PPP2R2B: variants seen among roughly 807,000 people sequenced by gnomAD.
The protein encoded by PPP2R2B is protein phosphatase 2 regulatory subunit Bbeta.
PPP2R2B carries 5 observed loss-of-function variants against 46.0 expected under a neutral mutation model. The observed-to-expected ratio is 0.11, with a 90% confidence interval of 0.06 to 0.23. PPP2R2B has a LOEUF of 0.23. Ranked by LOEUF, PPP2R2B falls within the 10% of genes least tolerant of loss-of-function variation. The pLI, the probability that PPP2R2B is intolerant of heterozygous loss-of-function variation, is 1.00. For synonymous variants in PPP2R2B, 215 were observed against 206.7 expected (o/e 1.04, Z -0.34); for missense variants, 367 against 575.0 (o/e 0.64, Z 3.70).
chr5:146,777,705 A>G (rs964913137), intron 2 of PPP2R2B, among the ~76,000 whole-genome samples: 1 of 152,210 alleles, frequency 6.6e-6, no homozygotes, highest in Admixed American at 6.5e-5. Flanking sequence ...GCACCATACT[A>G]TGACATATAC....
rs371027373 is a variant in PPP2R2B, at chr5:146,638,326, C to T, written c.715G>A (p.Val239Met). ...ATTGTCCCTTTGCTGCTGCTGTACA[C>T]GAAGGTGTTGCAATGATGGGGGTGG... Reference protein sequence around the residue: ...EFHPHHCNTFVYSSSKGTIRL... With the variant: ...EFHPHHCNTFMYSSSKGTIRL... Residue 239 changes from valine (V) to methionine (M), a missense_variant, in exon 7 of 10, where the codon GTG becomes ATG. By Grantham distance (21) the Val-to-Met change is conservative (BLOSUM62 1). Transcript: ENST00000394411. The T allele has an allele frequency of 6.3e-5, 101 of 1,613,774 alleles. No homozygotes were observed. The highest frequency in any genetic ancestry group is 8.2e-5 in the Non-Finnish European group (97 of 1,179,828).
intron 2 of PPP2R2B, among the ~76,000 whole-genome samples, chr5:146,803,800 T>G (rs1160667973): frequency 6.6e-6 from 1 of 152,226 alleles, no homozygotes; most frequent in Non-Finnish European, 1.5e-5. Context: ...ACCTTGGTTT[T>G]TCTATCTGCA....
At chr5:146,810,496 G>A (rs1757463236) in intron 2 of PPP2R2B, among the ~76,000 whole-genome samples, 2 of 152,148 alleles carry the variant, frequency 1.3e-5, no homozygotes, top group South Asian at 2.1e-4. Flanking sequence ...TTCAAGATGA[G>A]ATTTGGGTAG....
intron 1 of PPP2R2B, among the ~76,000 whole-genome samples, chr5:147,040,162 T>C (rs146305068): frequency 6.6e-6 from 1 of 152,274 alleles, no homozygotes; most frequent in East Asian, 1.9e-4. Context: ...GAACATTGGG[T>C]ATCACTGGAA....
At chr5:147,042,674 A>C (rs1468114867) in intron 1 of PPP2R2B, among the ~76,000 whole-genome samples, 3 of 152,188 alleles carry the variant, frequency 2.0e-5, no homozygotes, top group African/African-American at 7.2e-5. Flanking sequence ...GTTCTCACGG[A>C]GCCAGCAGTC....
chr5:147,042,996 T>A (rs1352643655), intron 1 of PPP2R2B, among the ~76,000 whole-genome samples: 1 of 151,988 alleles, frequency 6.6e-6, no homozygotes, highest in Non-Finnish European at 1.5e-5. Flanking sequence ...TTAGAGGAGA[T>A]CAGGGGCTAA....
chr5:147,069,258 A>C (rs796596311), intron 2 of PPP2R2B, among the ~76,000 whole-genome samples: 8 of 152,342 alleles, frequency 5.3e-5, no homozygotes, highest in African/African-American at 1.9e-4. Context: ...GAAGAGCTCT[A>C]CGTCAGAAGC....
intron 2 of PPP2R2B, among the ~76,000 whole-genome samples, chr5:146,705,930 T>G (rs1380491874): frequency 6.6e-6 from 1 of 151,356 alleles, no homozygotes; most frequent in Non-Finnish European, 1.5e-5. Flanking sequence ...ATATATCTTT[T>G]CTCTTTTTTT....
intron 1 of PPP2R2B, among the ~76,000 whole-genome samples, chr5:146,979,901 TG>T (rs1180189521): frequency 6.6e-6 from 1 of 152,116 alleles, no homozygotes; most frequent in Non-Finnish European, 1.5e-5. Context: ...CACAGATAAC[TG>T]AAACTCCAGA....
At chr5:146,592,912 T>A in intron 9 of PPP2R2B, 59 bp downstream of exon 9, 5 of 1,510,760 alleles carry the variant, frequency 3.3e-6, no homozygotes, top group Non-Finnish European at 4.6e-6. Context: ...TAGGATAAAT[T>A]CCCTGAGCCT....
chr5:146,810,780 T>C (rs1411659528), intron 2 of PPP2R2B, among the ~76,000 whole-genome samples: 1 of 152,044 alleles, frequency 6.6e-6, no homozygotes, highest in Admixed American at 6.6e-5. Flanking sequence ...ATGTGTGGGT[T>C]TGTTACATAT....
At position 146,691,379 on chromosome 5, in the gene PPP2R2B, G is replaced by C. The variant is rs137904118; in HGVS notation, c.335-139C>G. On this transcript the variant is annotated intron_variant, in intron 4 of 9. Coordinates refer to ENST00000394411, the MANE Select transcript of PPP2R2B (RefSeq NM_181675.4). The stretch of plus-strand genomic sequence containing the variant: ...AAGCTGGCTCACATAAACGTTTGGC[G>C]TGCATAAATCCCATGTCATTTGAAG... 1,356 of 633,774 alleles carry C rather than the reference G, an allele frequency of 2.1e-3. 4 individuals carry two copies. Among genetic ancestry groups the C allele is most frequent in the Non-Finnish European group, 2.6e-3 (941 of 365,230 alleles). 39.3% of individuals were successfully genotyped at this position (633,774 alleles called of 1,614,324 possible). A position where few individuals can be genotyped will look rare whatever the true frequency, so the allele number is the denominator to read the frequency against.
chr5:146,845,417 AT>A (rs983178479), intron 2 of PPP2R2B, among the ~76,000 whole-genome samples: 4 of 148,612 alleles, frequency 2.7e-5, no homozygotes, highest in Admixed American at 1.4e-4. Context: ...GCCTGGCTAA[AT>A]TTTTTTTTGC....
At chr5:146,630,792 A>G (rs1774374545) in intron 7 of PPP2R2B, among the ~76,000 whole-genome samples, 2 of 152,138 alleles carry the variant, frequency 1.3e-5, no homozygotes, top group South Asian at 4.1e-4. Context: ...CTTCACTCCA[A>G]CCATAACACG....
At chr5:146,724,467 C>CA (rs1751723832) in intron 2 of PPP2R2B, among the ~76,000 whole-genome samples, 2 of 152,028 alleles carry the variant, frequency 1.3e-5, no homozygotes, top group Non-Finnish European at 2.9e-5. Flanking sequence ...GCATAGTGAT[C>CA]GACTCACAGG....
At chr5:146,967,752 C>A (rs985652416) in intron 1 of PPP2R2B, among the ~76,000 whole-genome samples, 1 of 152,164 alleles carries the variant, frequency 6.6e-6, no homozygotes, top group Non-Finnish European at 1.5e-5. Flanking sequence ...CTGCAGCTAG[C>A]CCTCCTCCCT....
chr5:146,880,956 C>G (rs1455991841), upstream of PPP2R2B, among the ~76,000 whole-genome samples: 1 of 151,758 alleles, frequency 6.6e-6, no homozygotes, highest in East Asian at 1.9e-4. Flanking sequence ...CTCATCCACC[C>G]AAAACCAAGG....
intron 2 of PPP2R2B, among the ~76,000 whole-genome samples, chr5:146,733,998 T>C (rs1187938066): frequency 6.6e-6 from 1 of 152,096 alleles, no homozygotes; most frequent in Non-Finnish European, 1.5e-5. Context: ...CCAGGAATTG[T>C]TTTAAGTGCT....
At chr5:146,723,475 C>T (rs542067054) in intron 2 of PPP2R2B, among the ~76,000 whole-genome samples, 1 of 152,228 alleles carries the variant, frequency 6.6e-6, no homozygotes, top group East Asian at 1.9e-4. Flanking sequence ...CTAAAACTGT[C>T]CTGTACCTTT....
Sources: gnomAD v4.1 joint callset for allele counts (sites outside exome capture counted in the v4.1 genomes callset) on GRCh38, gnomAD v4.1.1 for gene constraint, MANE v1.5 for transcripts, NCBI Gene and HGNC (gene_info 2026-07-23, HGNC 2026-07-21) for gene names.